The following MCPH1 variants were observed in gnomAD, a reference collection of about 807,000 sequenced individuals.
The protein encoded by MCPH1 is microcephalin.
A neutral mutation model predicts 84.5 loss-of-function variants in MCPH1; 104 were observed. The ratio of observed to expected loss-of-function variants is 1.23; its 90% confidence interval spans 1.05 to 1.45. MCPH1 has a LOEUF of 1.45. MCPH1 is among the 40% of genes most tolerant of loss of function. MCPH1 has a pLI of 0.00. For missense variants in MCPH1, 1,498 were observed against 1,005.7 expected, an observed-to-expected ratio of 1.49 and a Z score of -6.62; for synonymous variants, 514 against 366.8, an observed-to-expected ratio of 1.40 and a Z score of -4.58.
At chr8:6,581,645 T>C (rs1827574579) in intron 12 of MCPH1, among the ~76,000 whole-genome samples, 1 of 152,240 alleles carries the variant, frequency 6.6e-6, no homozygotes, top group Admixed American at 6.5e-5. Context: ...GCTAAATCTT[T>C]AGTACCTCAT....
At position 6,621,682 on chromosome 8, in the gene MCPH1, T is replaced by C; in HGVS notation, c.2443T>C (p.Trp815Arg). 4 of 1,614,138 alleles carry C rather than the reference T, an allele frequency of 2.5e-6. No homozygotes were observed. The highest frequency in any genetic ancestry group is 2.5e-6 in the Non-Finnish European group (3 of 1,180,034). Residue 815 changes from tryptophan (W) to arginine (R), a missense_variant, in exon 13 of 14, where the codon TGG (tryptophan) becomes CGG (arginine). Trp to Arg is a moderately radical substitution (Grantham distance 101). Coordinates refer to ENST00000344683, the MANE Select transcript of MCPH1 (RefSeq NM_024596.5). The part of the protein sequence containing the change: ...KATVKYLSEK[W>R]VLDSITQHKV... ...CACAGTCAAGTATCTGTCTGAGAAA[T>C]GGGTCTTAGGTAAGAATCCAGGCAC...
At chr8:6,563,214 G>A (rs558952595) in intron 12 of MCPH1, 1 of 281,236 alleles carries the variant, frequency 3.6e-6, no homozygotes, top group African/African-American at 2.1e-5. Context: ...ACGGTCCTTT[G>A]TTCCTCTCTC....
In MCPH1 at chr8:6,638,235, C is replaced by T. The variant is rs1426948071; in HGVS notation, c.2453-4759C>T. On this transcript the variant is annotated intron_variant, in intron 13 of 13. Coordinates refer to ENST00000344683, the MANE Select transcript of MCPH1 (RefSeq NM_024596.5). ...CATGAAGCCGCAGAGGCTGGGTGAC[C>T]ACCGTCCCACAGTGAGGGAGCTGGG... Among the ~76,000 whole-genome samples the T allele has an allele frequency of 3.3e-5, 5 of 152,268 alleles. No homozygotes were observed. The East Asian group carries it at 9.6e-4, about 29-fold the overall frequency.
intron 12 of MCPH1, among the ~76,000 whole-genome samples, chr8:6,564,651 C>T (rs558621018): frequency 3.9e-5 from 6 of 152,340 alleles, no homozygotes; most frequent in African/African-American, 1.4e-4. Flanking sequence ...ACTGACTTAA[C>T]AGACCACATC....
In MCPH1 at chr8:6,445,448, G is replaced by C; in HGVS notation, c.1726G>C (p.Gly576Arg). The change falls in exon 8 of 14, where the codon GGC (glycine) becomes CGC (arginine). Residue 576 changes from glycine (G) to arginine (R), a missense_variant. By Grantham distance (125) the Gly-to-Arg change is moderately radical. Transcript: ENST00000344683. ...TTSKISNSSE[G>R]EAQSEHEPCF... ...TTCCAAAATATCAAACTCCTCTGAA[G>C]GCGAAGCCCAGAGTGAACATGAGCC... The C allele has an allele frequency of 1.9e-6, 3 of 1,614,224 alleles. No homozygotes were observed. The highest frequency in any genetic ancestry group is 2.5e-6 in the Non-Finnish European group (3 of 1,180,050).
At chr8:6,598,867 T>A (rs1829142201) in intron 12 of MCPH1, among the ~76,000 whole-genome samples, 1 of 152,258 alleles carries the variant, frequency 6.6e-6, no homozygotes, top group African/African-American at 2.4e-5. Context: ...CATTGCAGAA[T>A]GTAACTTTCC....
intron 12 of MCPH1, among the ~76,000 whole-genome samples, chr8:6,582,892 C>A (rs1827671640): frequency 6.6e-6 from 1 of 152,192 alleles, no homozygotes; most frequent in South Asian, 2.1e-4. Flanking sequence ...CAAAGCCTTT[C>A]CCATCCTTTA....
At chr8:6,520,406 G>A (rs1817090110) in intron 12 of MCPH1, among the ~76,000 whole-genome samples, 1 of 152,030 alleles carries the variant, frequency 6.6e-6, no homozygotes, top group Non-Finnish European at 1.5e-5. Flanking sequence ...TGACCCCATT[G>A]CCTGCCCCTT....
intron 12 of MCPH1, among the ~76,000 whole-genome samples, chr8:6,611,182 T>C (rs1031311534): frequency 1.3e-5 from 2 of 152,026 alleles, no homozygotes; most frequent in Non-Finnish European, 2.9e-5. Context: ...AATGTATGGG[T>C]TTTTTTCATG....
intron 9 of MCPH1, among the ~76,000 whole-genome samples, chr8:6,459,584 C>T (rs1426461618): frequency 1.3e-5 from 2 of 152,180 alleles, no homozygotes; most frequent in African/African-American, 2.4e-5. Flanking sequence ...ATGACTGAAG[C>T]AATGCCTCTA....
intron 9 of MCPH1, among the ~76,000 whole-genome samples, chr8:6,467,926 G>C (rs746653620): frequency 2.0e-5 from 3 of 152,168 alleles, no homozygotes; most frequent in South Asian, 2.1e-4. Context: ...GAGTTGGAAG[G>C]TAGAGGTGTG....
At chr8:6,642,868 C>G (rs1798024773) in intron 13 of MCPH1, 126 bp from the exon 14 acceptor site, 4 of 819,000 alleles carry the variant, frequency 4.9e-6, no homozygotes, top group African/African-American at 3.4e-5. Flanking sequence ...CGTGGGGGGG[C>G]CTATGGACAA....
chr8:6,583,499 AGT>A (rs1827729013), intron 12 of MCPH1, among the ~76,000 whole-genome samples: 1 of 152,234 alleles, frequency 6.6e-6, no homozygotes, highest in Non-Finnish European at 1.5e-5. Context: ...GAAGAGATCA[AGT>A]GTGTGTGCAT....
At chr8:6,504,704 G>C (rs1812926985) in intron 12 of MCPH1, among the ~76,000 whole-genome samples, 2 of 152,114 alleles carry the variant, frequency 1.3e-5, no homozygotes, top group Admixed American at 1.3e-4. Flanking sequence ...AAGATCTATA[G>C]AAGAACAAAT....
At chr8:6,564,731 G>C (rs985264836) in intron 12 of MCPH1, among the ~76,000 whole-genome samples, 2 of 152,166 alleles carry the variant, frequency 1.3e-5, no homozygotes, top group Non-Finnish European at 2.9e-5. Flanking sequence ...TCAATGAATA[G>C]TTAACGAACA....
At chr8:6,571,808 T>G (rs1243081055) in intron 12 of MCPH1, among the ~76,000 whole-genome samples, 2 of 152,088 alleles carry the variant, frequency 1.3e-5, no homozygotes, top group Non-Finnish European at 2.9e-5. Flanking sequence ...GATTATAGAG[T>G]TACAAGTACA....
intron 12 of MCPH1, chr8:6,500,316 T>A (rs1314099561): frequency 5.8e-6 from 1 of 172,402 alleles, no homozygotes; most frequent in Non-Finnish European, 1.3e-5. Context: ...TAACAGTATT[T>A]ATATTTTTAT....
intron 1 of MCPH1, chr8:6,407,080 A>C: frequency 2.7e-5 from 7 of 263,500 alleles, no homozygotes; most frequent in African/African-American, 3.6e-5. Flanking sequence ...CTTTCCCCCT[A>C]CCTGCTTTCA....
rs534790008 is a variant in MCPH1, at chr8:6,561,884, G to A, written c.2215-59570G>A. ...ACAGTGGGATCATCTGTGAAACAGT[G>A]GAATCACCCCAAGAACAAACTGTCA... is the stretch of plus-strand genomic sequence containing the variant. On this transcript the variant is annotated intron_variant, in intron 12 of 13. Transcript: ENST00000344683. Among the ~76,000 whole-genome samples, 7 of 152,264 alleles carry A rather than the reference G, an allele frequency of 4.6e-5. No individual in the cohort carries two copies. In the South Asian group the frequency reaches 1.5e-3, roughly 32 times the overall value.
Sources: gnomAD v4.1 joint callset for allele counts (sites outside exome capture counted in the v4.1 genomes callset) on GRCh38, gnomAD v4.1.1 for gene constraint, MANE v1.5 for transcripts, NCBI Gene and HGNC (gene_info 2026-07-23, HGNC 2026-07-21) for gene names.